The following ZBTB7C variants were observed in gnomAD, a reference collection of about 807,000 sequenced individuals.
ZBTB7C encodes zinc finger and BTB domain containing 7C.
A neutral mutation model predicts 25.7 loss-of-function variants in ZBTB7C; 8 were observed. That is an observed-to-expected ratio of 0.31 (90% CI 0.18 to 0.56). The LOEUF (loss-of-function observed/expected upper bound fraction) is 0.56. Ranked by LOEUF, ZBTB7C falls within the 20% of genes least tolerant of loss-of-function variation. The pLI, the probability that ZBTB7C is intolerant of heterozygous loss-of-function variation, is 0.91. For missense variants in ZBTB7C, 824 were observed against 855.2 expected, an observed-to-expected ratio of 0.96 and a Z score of 0.46; for synonymous variants, 394 against 369.0, an observed-to-expected ratio of 1.07 and a Z score of -0.78.
At chr18:48,406,516 T>A (rs556753514) in intron 1 of ZBTB7C, among the ~76,000 whole-genome samples, 3 of 152,310 alleles carry the variant, frequency 2.0e-5, no homozygotes, top group Admixed American at 2.0e-4. Context: ...CTTGTGGGAA[T>A]GCTGATGAGA....
intron 2 of ZBTB7C, among the ~76,000 whole-genome samples, chr18:48,203,755 G>A (rs934041385): frequency 1.3e-5 from 2 of 152,148 alleles, no homozygotes; most frequent in African/African-American, 4.8e-5. Context: ...TCCTGAAGCA[G>A]GAGCTGTGTC....
At position 48,092,699 on chromosome 18, in the gene ZBTB7C, A is replaced by G. The variant is rs146909752; in HGVS notation, c.-16-51576T>C. Among the ~76,000 whole-genome samples the G allele has an allele frequency of 3.8e-3, 583 of 152,334 alleles. 4 individuals are homozygous for G. Among genetic ancestry groups the G allele is most frequent in the South Asian group, 0.015 (74 of 4,826 alleles). On this transcript the variant is annotated intron_variant, in intron 3 of 4. Transcript: ENST00000590800. ...GAAGAATAGAGGGGGAACCCTAACCACTAGACTCATATGCAGATGAAAGGC... is the reference window on the plus strand; with the variant it reads ...GAAGAATAGAGGGGGAACCCTAACCGCTAGACTCATATGCAGATGAAAGGC...
intron 2 of ZBTB7C, among the ~76,000 whole-genome samples, chr18:48,267,729 T>C (rs1484890382): frequency 6.6e-6 from 1 of 152,008 alleles, no homozygotes; most frequent in Admixed American, 6.6e-5. Flanking sequence ...CTGAATGGGA[T>C]TAGAACTTTC....
At position 48,088,802 on chromosome 18, in the gene ZBTB7C, C is replaced by T. The variant is rs192338999; in HGVS notation, c.-16-47679G>A. The stretch of plus-strand genomic sequence containing the variant: ...CAGAGATTGCGCTACTGCACTTCAG[C>T]CTGGGCGACAGAGTGCAACTCTGTC... On this transcript the variant is annotated intron_variant, in intron 3 of 4. Coordinates refer to ENST00000590800, the MANE Select transcript of ZBTB7C (RefSeq NM_001318841.2). Among the ~76,000 whole-genome samples the T allele has an allele frequency of 6.5e-3, 983 of 152,070 alleles. 5 individuals are homozygous for T. The highest frequency in any genetic ancestry group is 8.8e-3 in the Non-Finnish European group (600 of 67,976).
chr18:48,349,631 T>A (rs1435339864), intron 1 of ZBTB7C, among the ~76,000 whole-genome samples: 1 of 152,126 alleles, frequency 6.6e-6, no homozygotes, highest in South Asian at 2.1e-4. Flanking sequence ...AAGTTTAAAG[T>A]AGAATCAAGC....
intron 1 of ZBTB7C, among the ~76,000 whole-genome samples, chr18:48,357,476 G>A (rs993086337): frequency 6.6e-6 from 1 of 152,202 alleles, no homozygotes; most frequent in Non-Finnish European, 1.5e-5. Context: ...GAGCTCCGAG[G>A]AGTAAACAAG....
chr18:48,143,902 C>T lies in ZBTB7C; in HGVS notation c.-17+42032G>A, dbSNP rs893771359. Among the ~76,000 whole-genome samples, 10 of 152,174 alleles carry T rather than the reference C, an allele frequency of 6.6e-5. No individual in the cohort carries two copies. In the South Asian group the frequency reaches 1.0e-3, roughly 16 times the overall value. On this transcript the variant is annotated intron_variant, in intron 3 of 4. Transcript: ENST00000590800. ...TTGTCTTTGTATTTGGTGCTGAACCCGGATCCCTCTCCCCTATTGCAGTCC... is the reference window on the plus strand; with the variant it reads ...TTGTCTTTGTATTTGGTGCTGAACCTGGATCCCTCTCCCCTATTGCAGTCC...
At chr18:48,151,604 A>G (rs569303576) in intron 3 of ZBTB7C, among the ~76,000 whole-genome samples, 1 of 152,260 alleles carries the variant, frequency 6.6e-6, no homozygotes, top group South Asian at 2.1e-4. Context: ...TCAATGCCAG[A>G]ACTAAGACCA....
chr18:48,304,180 G>T (rs994491488), intron 2 of ZBTB7C, among the ~76,000 whole-genome samples: 17 of 152,220 alleles, frequency 1.1e-4, no homozygotes, highest in African/African-American at 4.1e-4. Context: ...AAGCCCAGCT[G>T]CCTGCTTCTA....
At chr18:48,349,798 C>G (rs1209152478) in intron 1 of ZBTB7C, among the ~76,000 whole-genome samples, 3 of 152,104 alleles carry the variant, frequency 2.0e-5, no homozygotes, top group Non-Finnish European at 2.9e-5. Flanking sequence ...TGGGGGTACA[C>G]AGTACTGGCA....
chr18:48,032,366 C>T (rs1041924164), intron 4 of ZBTB7C, among the ~76,000 whole-genome samples: 5 of 149,772 alleles, frequency 3.3e-5, no homozygotes, highest in South Asian at 2.1e-4. Flanking sequence ...CTGCCCACCT[C>T]GGCCTCCCAA....
intron 2 of ZBTB7C, among the ~76,000 whole-genome samples, chr18:48,310,863 G>A (rs760171854): frequency 5.9e-5 from 9 of 152,180 alleles, no homozygotes; most frequent in Non-Finnish European, 1.0e-4. Context: ...TCTACATCTC[G>A]GCCTTCCAAG....
intron 3 of ZBTB7C, among the ~76,000 whole-genome samples, chr18:48,078,004 A>G (rs2037839636): frequency 6.6e-6 from 1 of 152,122 alleles, no homozygotes; most frequent in African/African-American, 2.4e-5. Context: ...GCAGCCAAGC[A>G]TCTGTTGCAT....
chr18:48,047,886 T>A (rs1328267598), intron 3 of ZBTB7C, among the ~76,000 whole-genome samples: 1 of 152,146 alleles, frequency 6.6e-6, no homozygotes. Flanking sequence ...AATTTACAGA[T>A]AATAAAACAG....
At chr18:48,274,235 C>T (rs988800420) in intron 2 of ZBTB7C, among the ~76,000 whole-genome samples, 8 of 152,178 alleles carry the variant, frequency 5.3e-5, no homozygotes, top group Admixed American at 1.3e-4. Context: ...AGTAGGTCTT[C>T]GGTATAAATG....
At chr18:48,112,563 G>C (rs190545061) in intron 3 of ZBTB7C, among the ~76,000 whole-genome samples, 2 of 152,204 alleles carry the variant, frequency 1.3e-5, no homozygotes, top group East Asian at 3.9e-4. Context: ...GGCCAGGCTA[G>C]TCTTGAACTC....
intron 2 of ZBTB7C, among the ~76,000 whole-genome samples, chr18:48,288,630 T>C (rs1026629638): frequency 1.2e-4 from 19 of 152,142 alleles, no homozygotes; most frequent in Non-Finnish European, 2.5e-4. Context: ...CACTCCAGCC[T>C]AGGCAACAAG....
intron 3 of ZBTB7C, among the ~76,000 whole-genome samples, chr18:48,061,882 TAGTC>T (rs2037140446): frequency 6.6e-6 from 1 of 152,122 alleles, no homozygotes. Context: ...TACTTTGAAA[TAGTC>T]AGTATCACTT....
chr18:48,031,086 G>A (rs575838984), intron 4 of ZBTB7C, among the ~76,000 whole-genome samples: 88 of 152,284 alleles, frequency 5.8e-4, no homozygotes, highest in Middle Eastern at 6.8e-3. Flanking sequence ...GAACAGATGT[G>A]GAGTCCAGGT....
Sources: allele counts gnomAD v4.1 joint callset (sites outside exome capture counted in the v4.1 genomes callset), GRCh38; gene constraint gnomAD v4.1.1; transcripts MANE v1.5; gene names NCBI Gene and HGNC (gene_info 2026-07-23, HGNC 2026-07-21).